ARHGDIA: variants seen among roughly 807,000 people sequenced by gnomAD.
The protein encoded by ARHGDIA is rho GDP-dissociation inhibitor 1.
ARHGDIA carries 9 observed loss-of-function variants against 25.0 expected under a neutral mutation model. The ratio of observed to expected loss-of-function variants is 0.36; its 90% CI spans 0.22 to 0.63. ARHGDIA has a LOEUF of 0.63. Ranked by LOEUF, ARHGDIA falls within the 20% of genes least tolerant of loss-of-function variation. The probability of loss-of-function intolerance (pLI) is 0.69; values close to 1 mark genes in which losing one functional copy is unlikely to be tolerated. For missense variants in ARHGDIA, 239 were observed against 264.3 expected, an observed-to-expected ratio of 0.90 and a Z score of 0.66; for synonymous variants, 166 against 111.5, an observed-to-expected ratio of 1.49 and a Z score of -3.08.
chr17:81,869,978 G>T, intron 1 of ARHGDIA, 21 bp from the exon 2 acceptor site: 1 of 1,602,092 alleles, frequency 6.2e-7, no homozygotes, highest in South Asian at 1.1e-5. Flanking sequence ...GACGGTGACA[G>T]GCCTTGGACC....
In ARHGDIA at chr17:81,868,436, G is replaced by C. The variant is rs578069979; in HGVS notation, c.*440C>G. 4.8e-6 allele frequency: 7 copies of C among 1,464,930 alleles called. No individual in the cohort carries two copies. In the East Asian group the frequency reaches 1.5e-4, roughly 31 times the overall value. The allele number at this position is 1,464,930 out of a possible 1,614,324, so 90.7% of individuals were successfully genotyped here. On this transcript the variant is annotated 3_prime_UTR_variant, in exon 6 of 6. Coordinates refer to ENST00000269321, the MANE Select transcript of ARHGDIA (RefSeq NM_004309.6). ...CCAGGGAGCAGCGGGGCTGGAGGAC[G>C]GCCCGGCCCCCACGAGGCCGTGCAT...
rs1382378112 is a variant in ARHGDIA, at chr17:81,869,784, T to C, written c.147A>G (p.Arg49=). 1 of 1,614,004 alleles carries C rather than the reference T, an allele frequency of 6.2e-7. No individual in the cohort carries two copies. Among genetic ancestry groups the C allele is most frequent in the Admixed American group, 1.7e-5 (1 of 60,020 alleles). ...GGCCCAGCAGGGCCTCCTTGTACTT[T>C]CGCAGGCTCTCGTCGTCCTTGTCCA... ...QELDKDDESL[R]KYKEALLGRV... The change falls in exon 2 of 6, where the codon CGA becomes CGG. Residue 49 remains arginine (R), a synonymous_variant. Transcript: ENST00000269321.
chr17:81,869,439 C>T lies in ARHGDIA; in HGVS notation c.275-33G>A, dbSNP rs756174247. 7 of 1,613,198 alleles carry T rather than the reference C, an allele frequency of 4.3e-6. No homozygotes were observed. In the Admixed American group the frequency reaches 1.2e-4, roughly 27 times the overall value. ...GGGGACCTCCCCCTCAATGACTGCCCAGCAGCCCTGCGCGAAGCCCCAGCC... is the reference window on the plus strand; with the variant it reads ...GGGGACCTCCCCCTCAATGACTGCCTAGCAGCCCTGCGCGAAGCCCCAGCC... On this transcript the variant is annotated intron_variant, in intron 3 of 5. Coordinates refer to ENST00000269321, the MANE Select transcript of ARHGDIA (RefSeq NM_004309.6).
rs772848070 is a variant in ARHGDIA, at chr17:81,868,851, C to G, written c.*25G>C. 6.2e-7 allele frequency: 1 copy of G among 1,613,230 alleles called. No individual in the cohort carries two copies. The highest frequency in any genetic ancestry group is 8.5e-7 in the Non-Finnish European group (1 of 1,179,868). On this transcript the variant is annotated 3_prime_UTR_variant, in exon 6 of 6. Coordinates refer to ENST00000269321, the MANE Select transcript of ARHGDIA (RefSeq NM_004309.6). ...GCCTGTCCGTCGTCCGTCCGTCAGT[C>G]TGCCCTGCCCGCCTCTGGCTGGGCT...
rs767812226 is a variant in ARHGDIA, at chr17:81,869,766, C to T, written c.165G>A (p.Leu55=). 1.2e-6 allele frequency: 2 copies of T among 1,613,732 alleles called. No individual in the cohort carries two copies. Among genetic ancestry groups the T allele is most frequent in the Non-Finnish European group, 1.7e-6 (2 of 1,179,908 alleles). ...DESLRKYKEA[L]LGRVAVSADP... ...CTGCGGAAACGGCCACGCGGCCCAG[C>T]AGGGCCTCCTTGTACTTTCGCAGGC... Residue 55 remains leucine, a synonymous_variant, in exon 2 of 6, where the codon CTG becomes CTA. Coordinates refer to ENST00000269321, the MANE Select transcript of ARHGDIA (RefSeq NM_004309.6).
In ARHGDIA at chr17:81,869,722, TC is replaced by T; in HGVS notation, c.190+18del. On this transcript the variant is annotated intron_variant, in intron 2 of 5. Transcript: ENST00000269321. ...TGGAGTGAACGGGCGGCCACCCGGC[TC>T]CCGCAGCCCAGACTCACCTGCGGAA... The T allele has an allele frequency of 6.2e-7, 1 of 1,605,182 alleles. No individual in the cohort carries two copies. The highest frequency in any genetic ancestry group is 8.5e-7 in the Non-Finnish European group (1 of 1,176,010).
At position 81,869,366 on chromosome 17, in the gene ARHGDIA, C is replaced by T. The variant is rs1200068175; in HGVS notation, c.315G>A (p.Lys105=). The change falls in exon 4 of 6, where the codon AAG becomes AAA. Residue 105 remains lysine, a synonymous_variant. Transcript: ENST00000269321. ...ESFKKQSFVL[K]EGVEYRIKIS... is the part of the protein sequence containing the mutation. The stretch of plus-strand genomic sequence containing the variant: ...TTTTTATCCGGTACTCCACACCCTC[C>T]TTCAGCACAAACGACTGCTTCTTGA... The T allele has an allele frequency of 2.5e-6, 4 of 1,614,036 alleles. No individual in the cohort carries two copies. In the South Asian group the frequency reaches 4.4e-5, roughly 18 times the overall value.
At chr17:81,869,707 G>GGGC in intron 2 of ARHGDIA, 34 bp downstream of exon 2, 1 of 1,592,678 alleles carries the variant, frequency 6.3e-7, no homozygotes, top group African/African-American at 1.3e-5. Flanking sequence ...TGGAGTGAAC[G>GGGC]GGCGGCCACC....
In ARHGDIA at chr17:81,868,843, C is replaced by T. The variant is rs1009457365; in HGVS notation, c.*33G>A. ...ACACATCCGCCTGTCCGTCGTCCGT[C>T]CGTCAGTCTGCCCTGCCCGCCTCTG... On this transcript the variant is annotated 3_prime_UTR_variant, in exon 6 of 6. Coordinates refer to ENST00000269321, the MANE Select transcript of ARHGDIA (RefSeq NM_004309.6). 2 of 1,612,982 alleles carry T rather than the reference C, an allele frequency of 1.2e-6. No individual in the cohort carries two copies. The highest frequency in any genetic ancestry group is 1.1e-5 in the South Asian group (1 of 90,970).
At position 81,869,248 on chromosome 17, in the gene ARHGDIA, G is replaced by A. The variant is rs1171935594; in HGVS notation, c.352-12C>T. 1 of 1,613,968 alleles carries A rather than the reference G, an allele frequency of 6.2e-7. No individual in the cohort carries two copies. The highest frequency in any genetic ancestry group is 8.5e-7 in the Non-Finnish European group (1 of 1,180,008). ...ATCTCTCGGTTAACCTGCAGGACCC[G>A]AAGCGAGGATCAGGGAAGGTCGGTC... On this transcript the variant is annotated splice_polypyrimidine_tract_variant and intron_variant, in intron 4 of 5. Transcript: ENST00000269321.
Position 81,868,494 on chromosome 17 carries a change from C to G in ARHGDIA, c.*382G>C. ...CCCAGCTCCACCCCGGAGCAGCAGA[C>G]GCACACGTCCAGGGGCAACCACGGG... On this transcript the variant is annotated 3_prime_UTR_variant, in exon 6 of 6. Coordinates refer to ENST00000269321, the MANE Select transcript of ARHGDIA (RefSeq NM_004309.6). 12 of 1,527,080 alleles carry G rather than the reference C, an allele frequency of 7.9e-6. No homozygotes were observed. The highest frequency in any genetic ancestry group is 1.1e-5 in the Non-Finnish European group (12 of 1,141,272). 94.6% of individuals were successfully genotyped at this position (1,527,080 alleles called of 1,614,324 possible). A position where few individuals can be genotyped will look rare whatever the true frequency, so the allele number is the denominator to read the frequency against.
In ARHGDIA at chr17:81,868,471, C is replaced by T. The variant is rs1271814782; in HGVS notation, c.*405G>A. On this transcript the variant is annotated 3_prime_UTR_variant, in exon 6 of 6. Coordinates refer to ENST00000269321, the MANE Select transcript of ARHGDIA (RefSeq NM_004309.6). ...CCACGAGGCCGTGCATCCCACACCC[C>T]AGCTCCACCCCGGAGCAGCAGACGC... is the stretch of plus-strand genomic sequence containing the variant. 7.2e-5 allele frequency: 110 copies of T among 1,518,416 alleles called. No individual in the cohort carries two copies. The highest frequency in any genetic ancestry group is 9.5e-5 in the Non-Finnish European group (108 of 1,136,540). The allele number at this position is 1,518,416 out of a possible 1,614,324, so 94.1% of individuals were successfully genotyped here.
At chr17:81,871,253 C>A (rs1325536070) in intron 1 of ARHGDIA, 45 bp downstream of exon 1, 1 of 149,372 alleles carries the variant, frequency 6.7e-6, no homozygotes, top group East Asian at 2.0e-4. Flanking sequence ...CCGCCCCGAC[C>A]CGCCGCCTCC....
Position 81,869,752 on chromosome 17 carries a change from G to T in ARHGDIA, c.179C>A (p.Ala60Asp). The change falls in exon 2 of 6, where the codon GCC becomes GAC. Residue 60 changes from alanine (A) to aspartate (D), a missense_variant. Ala to Asp is a moderately radical substitution (Grantham distance 126). Around this residue, in one of 3 missense-constraint regions of ARHGDIA, gnomAD observed 135 missense variants for 119.8 expected, o/e 1.13. Transcript: ENST00000269321. ...KYKEALLGRV[A>D]VSADPNVPNV... ...CAGCCCAGACTCACCTGCGGAAACGGCCACGCGGCCCAGCAGGGCCTCCTT... is the reference window on the plus strand; with the variant it reads ...CAGCCCAGACTCACCTGCGGAAACGTCCACGCGGCCCAGCAGGGCCTCCTT... The T allele has an allele frequency of 2.5e-6, 4 of 1,613,066 alleles. No individual in the cohort carries two copies. The highest frequency in any genetic ancestry group is 3.4e-6 in the Non-Finnish European group (4 of 1,179,680).
rs767812226 is a variant in ARHGDIA, at chr17:81,869,766, C to G, written c.165G>C (p.Leu55=). Residue 55 remains leucine, a synonymous_variant, in exon 2 of 6, where the codon CTG becomes CTC. Transcript: ENST00000269321. ...DESLRKYKEA[L]LGRVAVSADP... ...CTGCGGAAACGGCCACGCGGCCCAG[C>G]AGGGCCTCCTTGTACTTTCGCAGGC... 2 of 1,613,732 alleles carry G rather than the reference C, an allele frequency of 1.2e-6. No individual in the cohort carries two copies. The highest frequency in any genetic ancestry group is 1.7e-6 in the Non-Finnish European group (2 of 1,179,908).
Position 81,869,444 on chromosome 17 carries a change from G to A in ARHGDIA, c.275-38C>T, listed in dbSNP as rs375714223. The A allele has an allele frequency of 4.8e-5, 78 of 1,612,590 alleles. 1 individual carries two copies. The highest frequency in any genetic ancestry group is 6.0e-5 in the Non-Finnish European group (71 of 1,179,540). On this transcript the variant is annotated intron_variant, in intron 3 of 5. Coordinates refer to ENST00000269321, the MANE Select transcript of ARHGDIA (RefSeq NM_004309.6). ...CCTCCCCCTCAATGACTGCCCAGCA[G>A]CCCTGCGCGAAGCCCCAGCCCTGCG...
At position 81,871,332 on chromosome 17, in the gene ARHGDIA, C is replaced by G. The variant is rs2039293306; in HGVS notation, c.-62G>C. On this transcript the variant is annotated 5_prime_UTR_variant, in exon 1 of 6. Coordinates refer to ENST00000269321, the MANE Select transcript of ARHGDIA (RefSeq NM_004309.6). The stretch of plus-strand genomic sequence containing the variant: ...CGGCCGCGCGGTTCAGGATCCCTCC[C>G]GCACTAAATGACGAACGTCGTCGGC... The G allele has an allele frequency of 6.6e-6, 1 of 152,322 alleles. No individual in the cohort carries two copies. The highest frequency in any genetic ancestry group is 1.5e-5 in the Non-Finnish European group (1 of 67,930). 9.4% of individuals were successfully genotyped at this position (152,322 alleles called of 1,614,324 possible).
At chr17:81,869,661 C>G (rs1382383372) in intron 2 of ARHGDIA, 36 bp from the exon 3 acceptor site, 2 of 1,531,192 alleles carry the variant, frequency 1.3e-6, no homozygotes, top group Non-Finnish European at 1.8e-6. Context: ...CCCACCCCCA[C>G]CAGTGGAAGT....
chr17:81,871,168 G>T (rs1390715086), intron 1 of ARHGDIA, 130 bp downstream of exon 1: 2 of 144,954 alleles, frequency 1.4e-5, no homozygotes, highest in Non-Finnish European at 3.1e-5. Context: ...CCCTGCCGCG[G>T]GCTCAGGGCG....
Sources: gnomAD v4.1 joint callset for allele counts on GRCh38, gnomAD v4.1.1 for gene constraint, gnomAD v4.1.1 regional missense constraint, MANE v1.5 for transcripts, NCBI Gene and HGNC (gene_info 2026-07-23, HGNC 2026-07-21) for gene names.